SUGCT: variants seen among roughly 807,000 people sequenced by gnomAD.
SUGCT encodes succinyl-CoA:glutarate CoA-transferase.
In SUGCT, 41 loss-of-function variants were observed where a neutral mutation model predicts 55.0. The ratio of observed to expected loss-of-function variants is 0.74; its 90% CI spans 0.58 to 0.97. The LOEUF (loss-of-function observed/expected upper bound fraction) is 0.97, where lower values mean the gene tolerates loss of function less well. Among genes scored for constraint, SUGCT ranks in the 50% least tolerant of loss-of-function variants. The pLI is 0.00. For synonymous variants in SUGCT, 187 were observed against 200.4 expected, an observed-to-expected ratio of 0.93 and a Z score of 0.56; for missense variants, 568 against 547.8, an observed-to-expected ratio of 1.04 and a Z score of -0.37.
At chr7:40,867,760 T>G in the SUGCT span, among the ~76,000 whole-genome samples, 1 of 152,306 alleles carries the variant, frequency 6.6e-6, no homozygotes, top group Non-Finnish European at 1.5e-5. Flanking sequence ...ATGAAGCACT[T>G]TCTAATCGGC....
intron 9 of SUGCT, among the ~76,000 whole-genome samples, chr7:40,439,064 G>GTGTGTGTATA (rs1283539157): frequency 4.4e-4 from 12 of 27,192 alleles, no homozygotes; most frequent in African/African-American, 1.4e-3. Flanking sequence ...TATATATGGT[G>GTGTGTGTATA]TATATATATA....
intron 12 of SUGCT, among the ~76,000 whole-genome samples, chr7:40,722,183 A>G (rs1436511135): frequency 2.6e-5 from 4 of 152,114 alleles, no homozygotes; most frequent in Non-Finnish European, 4.4e-5. Flanking sequence ...CAACTCTCCT[A>G]AATAATAAGT....
intron 12 of SUGCT, among the ~76,000 whole-genome samples, chr7:40,537,256 G>A (rs1417713982): frequency 6.6e-6 from 1 of 152,176 alleles, no homozygotes. Context: ...CTGCGTGGCA[G>A]AACTGTGAGT....
At chr7:40,455,527 T>C (rs560854474) in intron 10 of SUGCT, among the ~76,000 whole-genome samples, 5 of 152,290 alleles carry the variant, frequency 3.3e-5, no homozygotes, top group Non-Finnish European at 4.4e-5. Flanking sequence ...AGGCAAACAC[T>C]AATGAAAAGA....
chr7:40,595,388 C>T (rs540044217), intron 12 of SUGCT, among the ~76,000 whole-genome samples: 83 of 152,136 alleles, frequency 5.5e-4, no homozygotes, highest in African/African-American at 1.9e-3. Context: ...TCATTATTGC[C>T]GTGAGCAGAG....
chr7:40,687,060 C>A lies in SUGCT; in HGVS notation c.1090-62374C>A, dbSNP rs144568938. 3.9e-5 allele frequency among the ~76,000 whole-genome samples: 6 copies of A among 152,246 alleles called. No individual in the cohort carries two copies. In the East Asian group the frequency reaches 9.6e-4, roughly 24 times the overall value. On this transcript the variant is annotated intron_variant, in intron 12 of 13. Coordinates refer to ENST00000335693, the MANE Select transcript of SUGCT (RefSeq NM_001193313.2). ...CACAATTTCATTTTTTTCCCATCTTCTAAGTTGATTACTGCTTATCCACTG... is the reference window on the plus strand; with the variant it reads ...CACAATTTCATTTTTTTCCCATCTTATAAGTTGATTACTGCTTATCCACTG...
chr7:40,237,679 G>C lies in SUGCT; in HGVS notation c.529G>C (p.Ala177Pro), dbSNP rs780763766. 2 of 1,613,796 alleles carry C rather than the reference G, an allele frequency of 1.2e-6. No homozygotes were observed. Among genetic ancestry groups the C allele is most frequent in the Non-Finnish European group, 1.7e-6 (2 of 1,179,870 alleles). The change falls in exon 7 of 14, where the codon GCT becomes CCT. Residue 177 changes from alanine to proline, a missense_variant. Coordinates refer to ENST00000335693, the MANE Select transcript of SUGCT (RefSeq NM_001193313.2). ...GPISQRAGYD[A>P]VASAVSGLMH... ...AATTTCTCAGCGAGCTGGTTATGAT[G>C]CTGTTGCCTCGGCTGTTTCTGGTCT...
chr7:40,414,935 C>T (rs1786886997), intron 9 of SUGCT, among the ~76,000 whole-genome samples: 1 of 151,368 alleles, frequency 6.6e-6, no homozygotes, highest in Non-Finnish European at 1.5e-5. Context: ...ATCCAAGCTA[C>T]TCGGGAGGCT....
At chr7:41,004,738 C>A in the SUGCT span, among the ~76,000 whole-genome samples, 16 of 152,182 alleles carry the variant, frequency 1.1e-4, no homozygotes, top group East Asian at 2.5e-3. Context: ...ACCAAATAAT[C>A]ACATAGAAAA....
At chr7:40,782,107 A>G (rs1209923978) in intron 13 of SUGCT, among the ~76,000 whole-genome samples, 1 of 152,072 alleles carries the variant, frequency 6.6e-6, no homozygotes, top group Admixed American at 6.6e-5. Context: ...AAAAATCTTT[A>G]CAGAACAATG....
chr7:40,887,987 A>G, the SUGCT span, among the ~76,000 whole-genome samples: 1 of 104,004 alleles, frequency 9.6e-6, no homozygotes, highest in Non-Finnish European at 2.0e-5. Context: ...TAAGCATTCT[A>G]CATGCAGCAT....
At chr7:40,719,152 A>G (rs1445102555) in intron 12 of SUGCT, among the ~76,000 whole-genome samples, 1 of 152,066 alleles carries the variant, frequency 6.6e-6, no homozygotes, top group African/African-American at 2.4e-5. Context: ...TTTCTATGAA[A>G]CCCCTTTGAT....
intron 9 of SUGCT, among the ~76,000 whole-genome samples, chr7:40,353,528 T>C (rs1797742190): frequency 6.6e-6 from 1 of 152,200 alleles, no homozygotes. Flanking sequence ...TCACAGTAAA[T>C]ACCTTTCACG....
intron 1 of SUGCT, among the ~76,000 whole-genome samples, chr7:40,148,114 A>G (rs1584179080): frequency 6.6e-6 from 1 of 151,518 alleles, no homozygotes; most frequent in Middle Eastern, 3.4e-3. Flanking sequence ...AAAAATGGTT[A>G]TGAGAGAGCA....
At chr7:40,364,979 A>G (rs1334167649) in intron 9 of SUGCT, among the ~76,000 whole-genome samples, 5 of 152,276 alleles carry the variant, frequency 3.3e-5, no homozygotes, top group Middle Eastern at 3.4e-3. Context: ...TTTTAGACCA[A>G]TATCCTTGAT....
At chr7:40,837,605 A>G (rs1272923779) in intron 13 of SUGCT, among the ~76,000 whole-genome samples, 1 of 151,998 alleles carries the variant, frequency 6.6e-6, no homozygotes, top group Non-Finnish European at 1.5e-5. Flanking sequence ...TATTTTTGAG[A>G]CAGAGTTTTG....
chr7:40,996,096 A>C, the SUGCT span, among the ~76,000 whole-genome samples: 1 of 152,168 alleles, frequency 6.6e-6, no homozygotes, highest in Non-Finnish European at 1.5e-5. Context: ...TCTGACATAT[A>C]ATCAGTGCTC....
At chr7:40,235,317 G>GA (rs202094229) in intron 6 of SUGCT, among the ~76,000 whole-genome samples, 1 of 152,032 alleles carries the variant, frequency 6.6e-6, no homozygotes, top group African/African-American at 2.4e-5. Context: ...GATTGTTTTT[G>GA]AAAAAAATTT....
the SUGCT span, among the ~76,000 whole-genome samples, chr7:40,938,614 A>C: frequency 6.6e-6 from 1 of 152,086 alleles, no homozygotes; most frequent in African/African-American, 2.4e-5. Flanking sequence ...AATAGTGTAC[A>C]TTGTACCCAA....
Sources: gnomAD v4.1 joint callset for allele counts (sites outside exome capture counted in the v4.1 genomes callset) on GRCh38, gnomAD v4.1.1 for gene constraint, MANE v1.5 for transcripts, NCBI Gene and HGNC (gene_info 2026-07-23, HGNC 2026-07-21) for gene names.